Variants in PTPRB observed in about 807,000 individuals in gnomAD.
PTPRB encodes the protein protein tyrosine phosphatase receptor type B.
Under a neutral mutation model 238.1 loss-of-function variants are expected in PTPRB, and 97 were observed. That is an observed-to-expected ratio of 0.41 (90% confidence interval 0.35 to 0.48). The LOEUF (loss-of-function observed/expected upper bound fraction) is 0.48, where lower values mean the gene tolerates loss of function less well. PTPRB is among the 20% of genes least tolerant of loss of function. PTPRB has a pLI of 0.30. For missense variants in PTPRB, 2,292 were observed against 2,681.9 expected, an observed-to-expected ratio of 0.85 and a Z score of 3.21; for synonymous variants, 970 against 995.4, an observed-to-expected ratio of 0.97 and a Z score of 0.48.
intron 21 of PTPRB, among the ~76,000 whole-genome samples, chr12:70,547,883 C>T (rs1876255430): frequency 6.6e-6 from 1 of 152,206 alleles, no homozygotes; most frequent in Non-Finnish European, 1.5e-5. Flanking sequence ...TATTATATTA[C>T]TTCAGAGGTT....
intron 22 of PTPRB, 132 bp downstream of exon 22, chr12:70,544,424 AT>A (rs1297093133): frequency 3.1e-5 from 20 of 650,114 alleles, no homozygotes; most frequent in Non-Finnish European, 3.5e-5. Flanking sequence ...ATCCACATCA[AT>A]TTTTGGTCAC....
intron 8 of PTPRB, 55 bp downstream of exon 8, chr12:70,589,909 G>C (rs1433342538): frequency 4.0e-5 from 61 of 1,542,350 alleles, no homozygotes; most frequent in Non-Finnish European, 5.3e-5. Context: ...TGGGTTACCT[G>C]GGAGAGGGAA....
chr12:70,588,165 G>T (rs978397374), intron 8 of PTPRB, among the ~76,000 whole-genome samples: 1 of 150,244 alleles, frequency 6.7e-6, no homozygotes, highest in South Asian at 2.1e-4. Context: ...AATTATGAAA[G>T]AATCAAGTAT....
At chr12:70,601,606 A>G (rs1273475953) in intron 4 of PTPRB, among the ~76,000 whole-genome samples, 2 of 152,052 alleles carry the variant, frequency 1.3e-5, no homozygotes, top group Non-Finnish European at 2.9e-5. Context: ...GTAAACATCC[A>G]CTATTCATAT....
rs548841298 is a variant in PTPRB, at chr12:70,519,144, C to G, written c.*2345G>C. The G allele has an allele frequency of 2.0e-5, 3 of 152,164 alleles. No individual in the cohort carries two copies. The South Asian group carries it at 6.2e-4, about 32-fold the overall frequency. The allele number at this position is 152,164 out of a possible 1,614,324, so 9.4% of individuals were successfully genotyped here. On this transcript the variant is annotated 3_prime_UTR_variant, in exon 34 of 34. Coordinates refer to ENST00000334414, the MANE Select transcript of PTPRB (RefSeq NM_001109754.4). ...CTGGGTTGGATTAGACTAAAAAAAC[C>G]TACGATTTTTCCCTGTCATGTCCAT...
At chr12:70,573,546 G>C (rs1192796749) in intron 11 of PTPRB, among the ~76,000 whole-genome samples, 1 of 112,004 alleles carries the variant, frequency 8.9e-6, no homozygotes, top group African/African-American at 3.5e-5. Context: ...TCACTCTCTT[G>C]CCCGGGCTGG....
intron 11 of PTPRB, 53 bp downstream of exon 11, chr12:70,576,329 G>A: frequency 6.4e-7 from 1 of 1,573,242 alleles, no homozygotes; most frequent in Middle Eastern, 1.8e-4. Flanking sequence ...GTGGTGCCCT[G>A]AGCCACATGT....
Position 70,566,509 on chromosome 12 carries a change from T to C in PTPRB, c.3830A>G (p.Lys1277Arg). The C allele has an allele frequency of 6.2e-7, 1 of 1,614,052 alleles. No individual in the cohort carries two copies. Among genetic ancestry groups the C allele is most frequent in the Non-Finnish European group, 8.5e-7 (1 of 1,179,890 alleles). ...QHKFEDLTPG[K>R]KYKIQILTVS... ...AGTTAGGATCTGTATCTTGTATTTC[T>C]TGCCTGGTGTTAGATCTTCAAATTT... The change falls in exon 15 of 34, where the codon AAG (lysine) becomes AGG (arginine). Residue 1277 changes from lysine (K) to arginine (R), a missense_variant. Transcript: ENST00000334414.
intron 13 of PTPRB, 47 bp from the exon 14 acceptor site, chr12:70,569,985 G>A (rs201904046): frequency 7.5e-5 from 114 of 1,520,108 alleles, no homozygotes; most frequent in Non-Finnish European, 1.0e-4. Context: ...AGAATGAACT[G>A]TTGAAATTTT....
chr12:70,523,407 T>TG (rs1871900365), intron 33 of PTPRB, among the ~76,000 whole-genome samples: 1 of 152,180 alleles, frequency 6.6e-6, no homozygotes, highest in East Asian at 1.9e-4. Flanking sequence ...CATAATTTTT[T>TG]TTTTGTTTTG....
intron 7 of PTPRB, among the ~76,000 whole-genome samples, chr12:70,591,117 T>G (rs1298985376): frequency 7.1e-6 from 1 of 140,644 alleles, no homozygotes; most frequent in Non-Finnish European, 1.6e-5. Flanking sequence ...TTTTTTTTTT[T>G]GTAGAGACGA....
intron 4 of PTPRB, among the ~76,000 whole-genome samples, chr12:70,599,963 A>G (rs1021014275): frequency 6.9e-6 from 1 of 144,688 alleles, no homozygotes; most frequent in Non-Finnish European, 1.5e-5. Flanking sequence ...CCTGGGCAAC[A>G]TAGAAAGACC....
In PTPRB at chr12:70,521,501, A is replaced by ATAGAC. The variant is rs772750333; in HGVS notation, c.6631_6635dup (p.Tyr2212Ter). 1.3e-6 allele frequency: 2 copies of ATAGAC among 1,547,598 alleles called. No individual in the cohort carries two copies. Among genetic ancestry groups the ATAGAC allele is most frequent in the South Asian group, 2.4e-5 (2 of 81,712 alleles). ...TTCAGGTACATTCTCAATGCCTTGA[A>ATAGAC]TAGACTGGATCTGAAAGGAAGAACA... On this transcript the variant is annotated stop_gained and frameshift_variant, in exon 34 of 34. Transcript: ENST00000334414. LOFTEE classifies it high-confidence loss of function.
intron 10 of PTPRB, among the ~76,000 whole-genome samples, chr12:70,577,179 G>T (rs527662336): frequency 1.1e-4 from 17 of 152,206 alleles, no homozygotes; most frequent in Non-Finnish European, 1.8e-4. Flanking sequence ...ACAACCAGAG[G>T]GACCGTTTTC....
At chr12:70,564,636 A>G (rs1878991753) in intron 15 of PTPRB, among the ~76,000 whole-genome samples, 1 of 151,834 alleles carries the variant, frequency 6.6e-6, no homozygotes, top group African/African-American at 2.4e-5. Flanking sequence ...GTGCGAGACC[A>G]GCCTAGGCAA....
intron 18 of PTPRB, chr12:70,558,907 TC>T: frequency 4.7e-6 from 1 of 211,424 alleles, no homozygotes; most frequent in South Asian, 1.1e-4. Flanking sequence ...CCCTCCTCTC[TC>T]ATCTTGGAAT....
intron 32 of PTPRB, among the ~76,000 whole-genome samples, chr12:70,526,663 G>GTTGT (rs1052482274): frequency 1.3e-5 from 2 of 152,234 alleles, no homozygotes; most frequent in Non-Finnish European, 2.9e-5. Flanking sequence ...TCTGAGAATG[G>GTTGT]TTGTTAGTAT....
intron 2 of PTPRB, among the ~76,000 whole-genome samples, chr12:70,627,366 T>C (rs548684839): frequency 1.3e-5 from 2 of 152,070 alleles, no homozygotes; most frequent in African/African-American, 4.8e-5. Flanking sequence ...TTAGACGCAA[T>C]AGGCACAGTG....
rs180947050 is a variant in PTPRB, at chr12:70,537,227, C to G, written c.5946+928G>C. Among the ~76,000 whole-genome samples the G allele has an allele frequency of 2.9e-3, 409 of 140,532 alleles. 1 individual carries two copies. Among genetic ancestry groups the G allele is most frequent in the African/African-American group, 0.01 (376 of 37,010 alleles). The allele number at this position is 140,532 out of a possible 152,430, so 92.2% of individuals were successfully genotyped here. A position where few individuals can be genotyped will look rare whatever the true frequency, so the allele number is the denominator to read the frequency against. On this transcript the variant is annotated intron_variant, in intron 28 of 33. Transcript: ENST00000334414. Reference sequence around the variant, plus strand: ...GCGTGAACCCGGGAGGCGGAGCTTGCAGTGAGCAGAGATCGCGCCACTGCA... The same window carrying G: ...GCGTGAACCCGGGAGGCGGAGCTTGGAGTGAGCAGAGATCGCGCCACTGCA...
Sources: allele counts gnomAD v4.1 joint callset (sites outside exome capture counted in the v4.1 genomes callset), GRCh38; gene constraint gnomAD v4.1.1; transcripts MANE v1.5; gene names NCBI Gene and HGNC (gene_info 2026-07-23, HGNC 2026-07-21).